TMEM161A: variants seen among roughly 807,000 people sequenced by gnomAD.
TMEM161A encodes transmembrane protein 161A.
Under a neutral mutation model 57.1 loss-of-function variants are expected in TMEM161A, and 46 were observed. That is an observed-to-expected ratio of 0.81 (90% CI 0.64 to 1.03). TMEM161A has a LOEUF of 1.03. Among genes scored for constraint, TMEM161A ranks in the 50% least tolerant of loss-of-function variants. The pLI, the probability that TMEM161A is intolerant of heterozygous loss-of-function variation, is 0.00. For synonymous variants in TMEM161A, 288 were observed against 279.0 expected, an observed-to-expected ratio of 1.03 and a Z score of -0.32; for missense variants, 601 against 621.5, an observed-to-expected ratio of 0.97 and a Z score of 0.35.
chr19:19,128,385 T>C (rs2059941661), intron 6 of TMEM161A, among the ~76,000 whole-genome samples: 1 of 151,018 alleles, frequency 6.6e-6, no homozygotes, highest in Non-Finnish European at 1.5e-5. Context: ...GCGTGTGCCA[T>C]TAGCCTAGCT....
rs779513579 is a variant in TMEM161A, at chr19:19,138,462, G to A, written c.-34C>T. The A allele has an allele frequency of 3.5e-5, 56 of 1,591,514 alleles. No individual in the cohort carries two copies. The highest frequency in any genetic ancestry group is 4.6e-5 in the East Asian group (2 of 43,464). ...CGAGAACGCGGTGCACTCACCCACC[G>A]GCCTAGGGCTCCGGGCACTCTGCGG... On this transcript the variant is annotated 5_prime_UTR_variant, in exon 1 of 12. Coordinates refer to ENST00000162044, the MANE Select transcript of TMEM161A (RefSeq NM_017814.3).
intron 6 of TMEM161A, among the ~76,000 whole-genome samples, chr19:19,123,700 C>T (rs1456365180): frequency 6.6e-6 from 1 of 152,082 alleles, no homozygotes; most frequent in Non-Finnish European, 1.5e-5. Flanking sequence ...AAAGATACAG[C>T]AAATACTAAT....
At position 19,138,455 on chromosome 19, in the gene TMEM161A, A is replaced by G. The variant is rs539262729; in HGVS notation, c.-27T>C. ...ACGCGTGCGAGAACGCGGTGCACTC[A>G]CCCACCGGCCTAGGGCTCCGGGCAC... On this transcript the variant is annotated 5_prime_UTR_variant, in exon 1 of 12. Coordinates refer to ENST00000162044, the MANE Select transcript of TMEM161A (RefSeq NM_017814.3). The G allele has an allele frequency of 8.3e-5, 133 of 1,595,648 alleles. 1 individual carries two copies. The South Asian group carries it at 1.4e-3, about 16-fold the overall frequency.
intron 5 of TMEM161A, among the ~76,000 whole-genome samples, chr19:19,131,686 C>T (rs1021418095): frequency 6.6e-6 from 1 of 152,046 alleles, no homozygotes; most frequent in Non-Finnish European, 1.5e-5. Context: ...CCACCACCCC[C>T]GGCTAATTTT....
chr19:19,123,968 C>A (rs1183977835), intron 6 of TMEM161A, among the ~76,000 whole-genome samples: 1 of 151,622 alleles, frequency 6.6e-6, no homozygotes, highest in Non-Finnish European at 1.5e-5. Flanking sequence ...GCAGGAGAAT[C>A]GCTTGAACCC....
intron 6 of TMEM161A, among the ~76,000 whole-genome samples, chr19:19,126,077 T>G (rs2059929815): frequency 6.7e-6 from 1 of 150,080 alleles, no homozygotes; most frequent in South Asian, 2.1e-4. Context: ...ACCAGCCTGG[T>G]CAGCATAGTG....
chr19:19,123,495 T>C (rs768675210), intron 6 of TMEM161A, among the ~76,000 whole-genome samples: 2 of 151,774 alleles, frequency 1.3e-5, no homozygotes, highest in African/African-American at 4.8e-5. Flanking sequence ...AAGGAACAAA[T>C]AGAAAGCAAA....
In TMEM161A at chr19:19,132,800, ACT is replaced by A. The variant is rs1472740185; in HGVS notation, c.189-48_189-47del. The stretch of plus-strand genomic sequence containing the variant: ...AAGAGGGACGGTGAGCACGCATTCC[ACT>A]GAGGCCAGCCACCCTCAGAGCTCAG... On this transcript the variant is annotated intron_variant, in intron 3 of 11. Coordinates refer to ENST00000162044, the MANE Select transcript of TMEM161A (RefSeq NM_017814.3). The surrounding 1 kb of genome is among the most constrained non-coding windows in gnomAD (Gnocchi z 4.3). The A allele has an allele frequency of 1.4e-6, 2 of 1,452,750 alleles. No homozygotes were observed. The highest frequency in any genetic ancestry group is 1.9e-6 in the Non-Finnish European group (2 of 1,078,978). The allele number at this position is 1,452,750 out of a possible 1,614,324, so 90.0% of individuals were successfully genotyped here.
intron 6 of TMEM161A, among the ~76,000 whole-genome samples, chr19:19,125,514 CTT>C (rs1187202482): frequency 1.3e-4 from 15 of 115,978 alleles, no homozygotes; most frequent in Admixed American, 2.7e-4. Flanking sequence ...CCTTGCCCAG[CTT>C]TTTTTTTTTT....
intron 1 of TMEM161A, among the ~76,000 whole-genome samples, chr19:19,136,663 A>G (rs1464219772): frequency 6.6e-6 from 1 of 152,048 alleles, no homozygotes; most frequent in Non-Finnish European, 1.5e-5. Flanking sequence ...CTCAAAACAA[A>G]ATAATAATAA....
chr19:19,125,514 C>CTTT (rs1187202482), intron 6 of TMEM161A, among the ~76,000 whole-genome samples: 5 of 115,982 alleles, frequency 4.3e-5, no homozygotes, highest in Non-Finnish European at 7.2e-5. Flanking sequence ...CCTTGCCCAG[C>CTTT]TTTTTTTTTT....
chr19:19,121,738 T>TC lies in TMEM161A; in HGVS notation c.656+20dup, dbSNP rs769812802. 1.2e-6 allele frequency: 2 copies of TC among 1,613,268 alleles called. No individual in the cohort carries two copies. The highest frequency in any genetic ancestry group is 2.7e-5 in the African/African-American group (2 of 74,808). ...GGGTCCCAGCCTGCCCTTGCCTCCC[T>TC]CCCCCATTCCCAGGACTCACGCCCA... On this transcript the variant is annotated intron_variant, in intron 7 of 11. Coordinates refer to ENST00000162044, the MANE Select transcript of TMEM161A (RefSeq NM_017814.3). The surrounding 1 kb of genome is among the most constrained non-coding windows in gnomAD (Gnocchi z 5.8).
chr19:19,136,142 C>A (rs529880341), intron 1 of TMEM161A, among the ~76,000 whole-genome samples: 1 of 152,032 alleles, frequency 6.6e-6, no homozygotes, highest in East Asian at 1.9e-4. Context: ...TGCTTGAATG[C>A]AGTAAATACC....
At chr19:19,133,384 C>G (rs2146338108) in intron 2 of TMEM161A, 174 bp from the exon 3 acceptor site, 1 of 612,930 alleles carries the variant, frequency 1.6e-6, no homozygotes, top group Non-Finnish European at 2.9e-6. Flanking sequence ...ACCAACAGAT[C>G]TAGGCTGAGT....
intron 3 of TMEM161A, 108 bp downstream of exon 3, chr19:19,133,022 G>GT (rs1281869314): frequency 2.3e-5 from 23 of 1,021,726 alleles, no homozygotes; most frequent in Non-Finnish European, 2.4e-5. Context: ...GGAAGTATGG[G>GT]TGGGCCGGTC....
intron 6 of TMEM161A, among the ~76,000 whole-genome samples, chr19:19,129,396 C>A (rs79015420): frequency 6.6e-6 from 1 of 152,000 alleles, no homozygotes; most frequent in South Asian, 2.1e-4. Context: ...CTCCTAAGAC[C>A]GGGGGAGTGT....
chr19:19,131,531 C>A (rs1186200057), intron 5 of TMEM161A, among the ~76,000 whole-genome samples: 1 of 134,492 alleles, frequency 7.4e-6, no homozygotes, highest in Non-Finnish European at 1.6e-5. Context: ...CACACACACA[C>A]AATTTTTTGG....
In TMEM161A at chr19:19,120,879, G is replaced by T. The variant is rs377338839; in HGVS notation, c.1090-18C>A. ...CGGACCACCTGTGGGCAGGTAGCAGGGGTGGCTGCAGCAGGAGGCCTTCTG... is the reference window on the plus strand; with the variant it reads ...CGGACCACCTGTGGGCAGGTAGCAGTGGTGGCTGCAGCAGGAGGCCTTCTG... On this transcript the variant is annotated intron_variant, in intron 10 of 11. Coordinates refer to ENST00000162044, the MANE Select transcript of TMEM161A (RefSeq NM_017814.3). 1.8e-5 allele frequency: 29 copies of T among 1,612,606 alleles called. No homozygotes were observed. The highest frequency in any genetic ancestry group is 1.6e-4 in the Middle Eastern group (1 of 6,084).
chr19:19,119,711 G>C lies in TMEM161A; in HGVS notation c.*219C>G. ...TGGCACATACGCTTCGGAGACAATG[G>C]CCTCGGGACCCTCATGCTGCTGGGC... On this transcript the variant is annotated 3_prime_UTR_variant, in exon 12 of 12. Transcript: ENST00000162044. 1.7e-6 allele frequency: 1 copy of C among 597,992 alleles called. No individual in the cohort carries two copies. The highest frequency in any genetic ancestry group is 2.8e-5 in the East Asian group (1 of 35,550). 37.0% of individuals were successfully genotyped at this position (597,992 alleles called of 1,614,324 possible).
Sources: allele counts gnomAD v4.1 joint callset (sites outside exome capture counted in the v4.1 genomes callset), GRCh38; gene constraint gnomAD v4.1.1; non-coding constraint Gnocchi (gnomAD v3.1); transcripts MANE v1.5; gene names NCBI Gene and HGNC (gene_info 2026-07-23, HGNC 2026-07-21).